The following CEP85L variants were observed in gnomAD, a reference collection of about 807,000 sequenced individuals.
CEP85L encodes the protein centrosomal protein of 85 kDa-like.
A neutral mutation model predicts 100.3 loss-of-function variants in CEP85L; 60 were observed. The observed-to-expected ratio is 0.60, with a 90% CI of 0.49 to 0.74. The LOEUF is 0.74. CEP85L is among the 30% of genes least tolerant of loss of function. The pLI is 0.00. For synonymous variants in CEP85L, 319 were observed against 322.7 expected (o/e 0.99, Z 0.12); for missense variants, 973 against 936.2 (o/e 1.04, Z -0.51).
intron 1 of CEP85L, among the ~76,000 whole-genome samples, chr6:118,702,495 GA>G (rs1288783377): frequency 1.3e-5 from 2 of 152,116 alleles, no homozygotes; most frequent in Non-Finnish European, 2.9e-5. Flanking sequence ...TTGGGTAACA[GA>G]GGGAGACCCC....
At chr6:118,555,950 CTCCA>C (rs1467356920) in intron 3 of CEP85L, among the ~76,000 whole-genome samples, 1 of 152,194 alleles carries the variant, frequency 6.6e-6, no homozygotes, top group Non-Finnish European at 1.5e-5. Flanking sequence ...TGACCTCCAG[CTCCA>C]TCCATGTTCC....
chr6:118,697,270 C>T (rs1381004473), intron 1 of CEP85L, among the ~76,000 whole-genome samples: 1 of 152,144 alleles, frequency 6.6e-6, no homozygotes, highest in Admixed American at 6.5e-5. Flanking sequence ...GATTGACAAC[C>T]AATGTTGTCA....
chr6:118,707,505 T>C (rs1583277908), intron 1 of CEP85L, among the ~76,000 whole-genome samples: 1 of 152,292 alleles, frequency 6.6e-6, no homozygotes, highest in Middle Eastern at 3.4e-3. Context: ...TACCTCATTC[T>C]TTTTAGCTCC....
At chr6:118,592,538 A>G (rs905527387) in intron 2 of CEP85L, among the ~76,000 whole-genome samples, 4 of 152,170 alleles carry the variant, frequency 2.6e-5, no homozygotes, top group African/African-American at 4.8e-5. Flanking sequence ...AATATCCATT[A>G]TCAGAGTCCT....
chr6:118,646,623 C>G (rs62422233), intron 1 of CEP85L, among the ~76,000 whole-genome samples: 3 of 150,676 alleles, frequency 2.0e-5, no homozygotes, highest in African/African-American at 7.3e-5. Flanking sequence ...GAGCCGAGAT[C>G]GCACTCCAGC....
Position 118,468,039 on chromosome 6 carries a change from G to A in CEP85L, c.2254+1033C>T, listed in dbSNP as rs1008766204. Among the ~76,000 whole-genome samples, 3 of 152,248 alleles carry A rather than the reference G, an allele frequency of 2.0e-5. No homozygotes were observed. The South Asian group carries it at 6.2e-4, about 32-fold the overall frequency. ...CTTACTTAGTGTCTGGACCATAGAA[G>A]GCATCTGATAAATGTTTACTCCGTG... On this transcript the variant is annotated intron_variant, in intron 12 of 12. Transcript: ENST00000368491.
chr6:118,697,104 G>A (rs966445978), intron 1 of CEP85L, among the ~76,000 whole-genome samples: 5 of 152,110 alleles, frequency 3.3e-5, no homozygotes, highest in East Asian at 1.9e-4. Flanking sequence ...TGAGGCTCAC[G>A]AGGGAAACAG....
At chr6:118,548,208 C>A (rs531876294) in intron 3 of CEP85L, 1 of 152,186 alleles carries the variant, frequency 6.6e-6, no homozygotes, top group Admixed American at 6.5e-5. Flanking sequence ...GAGACTGTGG[C>A]TAACCAATCG....
At chr6:118,488,005 CAAA>C (rs111625601) in intron 6 of CEP85L, among the ~76,000 whole-genome samples, 2 of 144,938 alleles carry the variant, frequency 1.4e-5, no homozygotes, top group Admixed American at 1.4e-4. Flanking sequence ...ATGCTAAGAA[CAAA>C]AAAAAAAATT....
At chr6:118,597,037 T>C (rs1189431781) in intron 2 of CEP85L, among the ~76,000 whole-genome samples, 2 of 135,454 alleles carry the variant, frequency 1.5e-5, no homozygotes, top group Non-Finnish European at 1.6e-5. Context: ...TGAGATCTGA[T>C]GGCTTCATAA....
At chr6:118,498,613 T>A (rs1241167872) in intron 5 of CEP85L, among the ~76,000 whole-genome samples, 6,883 of 56,212 alleles carry the variant, frequency 0.12, no homozygotes, top group Non-Finnish European at 0.15. Flanking sequence ...AAAAAAAAAA[T>A]AGAGAGAGAG....
chr6:118,637,570 C>T (rs943759944), intron 1 of CEP85L, among the ~76,000 whole-genome samples: 1 of 151,150 alleles, frequency 6.6e-6, no homozygotes, highest in African/African-American at 2.4e-5. Flanking sequence ...AAAAATGCCT[C>T]TGTGCATGGT....
At chr6:118,553,415 T>C (rs1778668165) in intron 3 of CEP85L, among the ~76,000 whole-genome samples, 1 of 152,194 alleles carries the variant, frequency 6.6e-6, no homozygotes, top group African/African-American at 2.4e-5. Context: ...GGATAAAATC[T>C]GGCCTAATTA....
chr6:118,527,086 C>A (rs183828650), intron 3 of CEP85L, among the ~76,000 whole-genome samples: 1 of 143,396 alleles, frequency 7.0e-6, no homozygotes, highest in Non-Finnish European at 1.5e-5. Flanking sequence ...CGCGATAGAG[C>A]TCACCGCAAC....
intron 5 of CEP85L, among the ~76,000 whole-genome samples, chr6:118,495,442 T>C (rs192530049): frequency 1.5e-3 from 222 of 152,250 alleles, no homozygotes; most frequent in African/African-American, 5.1e-3. Context: ...TGAGTTCTCT[T>C]GAGATCTGAT....
At chr6:118,696,001 T>A (rs1777196387) in intron 1 of CEP85L, among the ~76,000 whole-genome samples, 2 of 152,186 alleles carry the variant, frequency 1.3e-5, no homozygotes, top group Admixed American at 1.3e-4. Flanking sequence ...CGGGGCATGG[T>A]GGTTCACGCC....
At chr6:118,491,576 A>AT (rs1774574488) in intron 6 of CEP85L, 110 bp downstream of exon 6, 2 of 1,467,028 alleles carry the variant, frequency 1.4e-6, no homozygotes, top group African/African-American at 1.4e-5. Flanking sequence ...TCACCTCCAC[A>AT]TAAATGTATA....
At chr6:118,564,196 A>C (rs1026126502) in intron 3 of CEP85L, among the ~76,000 whole-genome samples, 1 of 152,176 alleles carries the variant, frequency 6.6e-6, no homozygotes, top group Non-Finnish European at 1.5e-5. Flanking sequence ...AAGCAGAATA[A>C]AAAGCATGAA....
At chr6:118,646,266 C>T (rs559161197) in intron 1 of CEP85L, among the ~76,000 whole-genome samples, 2 of 75,542 alleles carry the variant, frequency 2.6e-5, no homozygotes, top group South Asian at 1.7e-3. Context: ...GTTGATCATG[C>T]CCATCCTTAA....
Sources: gnomAD v4.1 joint callset for allele counts (sites outside exome capture counted in the v4.1 genomes callset) on GRCh38, gnomAD v4.1.1 for gene constraint, MANE v1.5 for transcripts, NCBI Gene and HGNC (gene_info 2026-07-23, HGNC 2026-07-21) for gene names.